Variants in MCF2 observed in about 807,000 individuals in gnomAD.
The protein encoded by MCF2 is MCF.2 cell line derived transforming sequence.
A neutral mutation model predicts 82.5 loss-of-function variants in MCF2; 44 were observed. The observed-to-expected ratio is 0.53, with a 90% CI of 0.42 to 0.69. The LOEUF (loss-of-function observed/expected upper bound fraction) is 0.69, where lower values mean the gene tolerates loss of function less well. Among genes scored for constraint, MCF2 ranks in the 30% least tolerant of loss-of-function variants. The pLI, the probability that MCF2 is intolerant of heterozygous loss-of-function variation, is 0.00. For missense variants in MCF2, 623 were observed against 663.1 expected (o/e 0.94, Z 0.66); for synonymous variants, 217 against 224.9 (o/e 0.96, Z 0.32).
At chrX:139,672,800 G>C (rs1488422825) in intron 1 of MCF2, among the ~76,000 whole-genome samples, 2 of 111,748 alleles carry the variant, frequency 1.8e-5, no homozygotes, top group Non-Finnish European at 3.8e-5. Flanking sequence ...TCTCTGCCAG[G>C]CTTTGGTATC....
intron 15 of MCF2, among the ~76,000 whole-genome samples, chrX:139,603,190 T>C (rs1479733437): frequency 8.9e-6 from 1 of 112,685 alleles, no homozygotes; most frequent in Non-Finnish European, 1.9e-5. Context: ...GGGCTTGGTA[T>C]CCACATTATC....
chrX:139,660,207 A>ATT (rs1934318814), intron 1 of MCF2, among the ~76,000 whole-genome samples: 1 of 111,788 alleles, frequency 8.9e-6, no homozygotes, highest in Admixed American at 9.5e-5. Context: ...GGTCATCTAA[A>ATT]ATCTGTACTC....
rs1348500582 is a variant in MCF2, at chrX:139,626,555, G to T, written c.572+68C>A. ...ATACTTTAACACTTAACATATTGCAGCAAAAATGTATAATTTCCTTTCAAA... is the reference window on the plus strand; with the variant it reads ...ATACTTTAACACTTAACATATTGCATCAAAAATGTATAATTTCCTTTCAAA... On this transcript the variant is annotated intron_variant, in intron 5 of 24. Transcript: ENST00000370576. The T allele has an allele frequency of 6.7e-6, 7 of 1,051,756 alleles. No individual in the cohort carries two copies. In the Admixed American group the frequency reaches 1.7e-4, roughly 26 times the overall value. The allele number at this position is 1,051,756 out of a possible 1,213,427, so 86.7% of individuals were successfully genotyped here. A position where few individuals can be genotyped will look rare whatever the true frequency, so the allele number is the denominator to read the frequency against.
At chrX:139,692,147 C>G in intron 1 of MCF2, 1 of 1,128,886 alleles carries the variant, frequency 8.9e-7, no homozygotes, top group East Asian at 3.3e-5. Flanking sequence ...CCCGCCTTGG[C>G]GAACCCAGGT....
At chrX:139,582,422 T>C (rs1350182133) in exon 25 of MCF2, 1 of 1,196,862 alleles carries the variant, frequency 8.4e-7, no homozygotes, top group African/African-American at 1.7e-5. Flanking sequence ...CCAAATGAGC[T>C]GAGAAGCAGG....
At chrX:139,673,149 A>C (rs1167266862) in intron 1 of MCF2, among the ~76,000 whole-genome samples, 1 of 111,409 alleles carries the variant, frequency 9.0e-6, no homozygotes, top group Non-Finnish European at 1.9e-5. Context: ...TTTCTGTGGG[A>C]TCGGTGGTGA....
At chrX:139,630,313 T>C (rs770516233) in intron 3 of MCF2, among the ~76,000 whole-genome samples, 3 of 111,755 alleles carry the variant, frequency 2.7e-5, no homozygotes, top group Non-Finnish European at 5.7e-5. Context: ...AACAAGGTGA[T>C]AATTGAAGGA....
chrX:139,612,087 G>GA (rs1185071695), intron 10 of MCF2, among the ~76,000 whole-genome samples: 59 of 104,675 alleles, frequency 5.6e-4, no homozygotes, highest in African/African-American at 1.8e-3. Flanking sequence ...CAGTGGGGAT[G>GA]AAAAAAAAAA....
rs1378155621 is a variant in MCF2, at chrX:139,692,014, GGATCGCCTGGGCTATC to G, written c.-45+16076_-45+16091del. The G allele has an allele frequency of 5.1e-6, 6 of 1,165,997 alleles. No individual in the cohort carries two copies. The Admixed American group carries it at 1.5e-4, about 30-fold the overall frequency. On this transcript the variant is annotated intron_variant, in intron 1 of 27. Transcript: ENST00000414978. ...GCCATGGCCATGTCCACCTGCAGAG[GGATCGCCTGGGCTATC>G]GGCATGAAAGTGCAGCCATCTGGGT...
At chrX:139,642,423 T>C in intron 1 of MCF2, 1 of 1,209,733 alleles carries the variant, frequency 8.3e-7, no homozygotes, top group Non-Finnish European at 1.1e-6. Context: ...TCCCAGCACT[T>C]GAACTTGGGA....
In MCF2 at chrX:139,588,448, A is replaced by G. The variant is rs940682961; in HGVS notation, c.2371-10T>C. The G allele has an allele frequency of 4.0e-6, 4 of 991,814 alleles. No homozygotes were observed. The highest frequency in any genetic ancestry group is 5.6e-6 in the Non-Finnish European group (4 of 718,881). 81.7% of individuals were successfully genotyped at this position (991,814 alleles called of 1,213,427 possible). On this transcript the variant is annotated splice_polypyrimidine_tract_variant and intron_variant, in intron 20 of 24. Transcript: ENST00000370576. ...CATCTACATTAGAAGCCTAAAGATT[A>G]AAAAAAAAGCGGGAGGGAGGTGGTA...
exon 13 of MCF2, chrX:139,605,717 A>G (rs1313893732): frequency 2.5e-6 from 3 of 1,197,646 alleles, no homozygotes; most frequent in East Asian, 3.0e-5. Flanking sequence ...GCTTACCAAC[A>G]AAACAGTATA....
intron 16 of MCF2, among the ~76,000 whole-genome samples, chrX:139,600,080 G>T (rs951456928): frequency 9.0e-6 from 1 of 111,649 alleles, no homozygotes; most frequent in Non-Finnish European, 1.9e-5. Flanking sequence ...ACCACATATT[G>T]TATGATTCCA....
At chrX:139,665,969 A>ACAT (rs1165170831) in intron 1 of MCF2, among the ~76,000 whole-genome samples, 1 of 99,451 alleles carries the variant, frequency 1.0e-5, no homozygotes, top group Non-Finnish European at 2.0e-5. Flanking sequence ...TTATATATAT[A>ACAT]CATATATATA....
intron 1 of MCF2, among the ~76,000 whole-genome samples, chrX:139,640,717 T>C (rs936345763): frequency 9.0e-6 from 1 of 111,305 alleles, no homozygotes; most frequent in Non-Finnish European, 1.9e-5. Context: ...TTCAAATTCT[T>C]TACTCTGGTC....
At chrX:139,653,936 C>T (rs916826734) in intron 1 of MCF2, among the ~76,000 whole-genome samples, 1 of 110,631 alleles carries the variant, frequency 9.0e-6, no homozygotes, top group African/African-American at 3.3e-5. Flanking sequence ...AACATAATTG[C>T]CACCATTTCC....
chrX:139,664,274 A>G (rs2148543113), intron 1 of MCF2, among the ~76,000 whole-genome samples: 1 of 110,071 alleles, frequency 9.1e-6, no homozygotes, highest in South Asian at 4.0e-4. Context: ...AGGTGCTAGG[A>G]TTACAGGCAT....
At position 139,689,466 on chromosome X, in the gene MCF2, C is replaced by T. The variant is rs1217612311; in HGVS notation, c.-45+18640G>A. On this transcript the variant is annotated intron_variant, in intron 1 of 27. Transcript: ENST00000414978. ...TTTCTCTATTGCCCTGCTTACAACA[C>T]TCCAGTGGCTTCCGATTGCTCTGGA... is the stretch of plus-strand genomic sequence containing the variant. 1.5e-4 allele frequency among the ~76,000 whole-genome samples: 17 copies of T among 110,823 alleles called. No homozygotes were observed. In the Admixed American group the frequency reaches 1.6e-3, roughly 11 times the overall value.
chrX:139,665,310 C>T (rs771577547), intron 1 of MCF2, among the ~76,000 whole-genome samples: 2 of 111,798 alleles, frequency 1.8e-5, no homozygotes, highest in Admixed American at 1.9e-4. Flanking sequence ...CACTTCACCC[C>T]ATGGCAGCGA....
Sources: gnomAD v4.1 joint callset for allele counts (sites outside exome capture counted in the v4.1 genomes callset) on GRCh38, gnomAD v4.1.1 for gene constraint, MANE v1.5 for transcripts, NCBI Gene and HGNC (gene_info 2026-07-23, HGNC 2026-07-21) for gene names.